The following SCRT2 variants were observed in gnomAD, a reference collection of about 807,000 sequenced individuals.
SCRT2 encodes transcriptional repressor scratch 2.
In SCRT2, 2 loss-of-function variants were observed where a neutral mutation model predicts 3.7. That is an observed-to-expected ratio of 0.54 (90% CI 0.22 to 1.70). The LOEUF is 1.70. SCRT2 is among the 40% of genes most tolerant of loss of function. The pLI is 0.19. For synonymous variants in SCRT2, 256 were observed against 220.6 expected (o/e 1.16, Z -1.42); for missense variants, 456 against 468.5 (o/e 0.97, Z 0.25).
rs774290369 is a variant in SCRT2, at chr20:664,361, C to A, written c.234G>T (p.Pro78=). ...GGCTTTCGGGGTCGCTGTACTCCTC[C>A]GGCGCCGCCGGCGGGTACGCGGGCT... ...PAEPAYPPAA[P]EEYSDPESPQ... The change falls in exon 2 of 2, where the codon CCG becomes CCT. Residue 78 remains proline (P), a synonymous_variant. Coordinates refer to ENST00000246104, the MANE Select transcript of SCRT2 (RefSeq NM_033129.4). The surrounding 1 kb of genome is among the most constrained non-coding windows in gnomAD (Gnocchi z 7.9). 3 of 1,452,286 alleles carry A rather than the reference C, an allele frequency of 2.1e-6. No individual in the cohort carries two copies. Among genetic ancestry groups the A allele is most frequent in the Non-Finnish European group, 2.8e-6 (3 of 1,089,916 alleles). The allele number at this position is 1,452,286 out of a possible 1,614,324, so 90.0% of individuals were successfully genotyped here.
At chr20:674,395 TCTCTCACA>T (rs1397568890) in intron 1 of SCRT2, among the ~76,000 whole-genome samples, 6 of 98,186 alleles carry the variant, frequency 6.1e-5, no homozygotes, top group African/African-American at 2.2e-4. Context: ...TCTCTCTCTC[TCTCTCACA>T]CACACACACA....
rs1277606268 is a variant in SCRT2 at position 675,485 on chromosome 20, C to A, written c.117G>T (p.Gly39=). Residue 39 remains glycine (G), a synonymous_variant, in exon 1 of 2, where the codon GGG becomes GGT. Transcript: ENST00000246104. The surrounding 1 kb of genome is among the most constrained non-coding windows in gnomAD (Gnocchi z 6.9). ...CCCACTCACCGTTGTCCCCGGGAGG[C>A]CCCCGGGCGCCAGGCAGCACGTAGG... ...ETAYVLPGAR[G]PPGDNGYAPH... is the part of the protein sequence containing the mutation. 1 of 1,358,068 alleles carries A rather than the reference C, an allele frequency of 7.4e-7. No homozygotes were observed. The highest frequency in any genetic ancestry group is 9.5e-7 in the Non-Finnish European group (1 of 1,050,764). 84.1% of individuals were successfully genotyped at this position (1,358,068 alleles called of 1,614,324 possible). A position where few individuals can be genotyped will look rare whatever the true frequency, so the allele number is the denominator to read the frequency against.
At chr20:671,653 A>C (rs1355839863) in intron 1 of SCRT2, among the ~76,000 whole-genome samples, 1 of 152,152 alleles carries the variant, frequency 6.6e-6, no homozygotes, top group Non-Finnish European at 1.5e-5. Context: ...AGTGAGAGGA[A>C]GTGGGCGCTG....
rs1984063264 is a variant in SCRT2 at position 664,123 on chromosome 20, C to T, written c.472G>A (p.Ala158Thr). ...QAGGGHRHAC[A>T]ECGKTYATSS... The stretch of plus-strand genomic sequence containing the variant: ...GTGGCGTAGGTCTTGCCGCACTCGG[C>T]GCACGCGTGCCGGTGCCCGCCGCCC... The change falls in exon 2 of 2, where the codon GCC (alanine) becomes ACC (threonine). Residue 158 changes from alanine to threonine, a missense_variant. Physicochemically the swap from Ala to Thr is moderately conservative, Grantham distance 58. Transcript: ENST00000246104. This position sits in a 1 kb window ranked among gnomAD's most constrained non-coding sequence, Gnocchi z 7.9. The T allele has an allele frequency of 1.3e-6, 2 of 1,526,354 alleles. No homozygotes were observed. Among genetic ancestry groups the T allele is most frequent in the South Asian group, 1.2e-5 (1 of 83,840 alleles). 94.6% of individuals were successfully genotyped at this position (1,526,354 alleles called of 1,614,324 possible).
Position 664,264 on chromosome 20 carries a change from A to C in SCRT2, c.331T>G (p.Phe111Val), listed in dbSNP as rs1382992398. The C allele has an allele frequency of 1.4e-6, 2 of 1,417,858 alleles. No individual in the cohort carries two copies. Among genetic ancestry groups the C allele is most frequent in the Non-Finnish European group, 9.3e-7 (1 of 1,073,392 alleles). The allele number at this position is 1,417,858 out of a possible 1,614,324, so 87.8% of individuals were successfully genotyped here. A position where few individuals can be genotyped will look rare whatever the true frequency, so the allele number is the denominator to read the frequency against. The stretch of plus-strand genomic sequence containing the variant: ...CGCGAGCGCCCGTCCGAGATGAAGA[A>C]GGCGTCCATGGAGTAGCTGTCGGTC... ...AVTDSYSMDA[F>V]FISDGRSRRR... The change falls in exon 2 of 2, where the codon TTC (phenylalanine) becomes GTC (valine). Residue 111 changes from phenylalanine to valine, a missense_variant. Around this residue, in one of 3 missense-constraint regions of SCRT2, gnomAD observed 306 missense variants for 305.3 expected, o/e 1.00. Transcript: ENST00000246104. The surrounding 1 kb of genome is among the most constrained non-coding windows in gnomAD (Gnocchi z 7.9).
intron 1 of SCRT2, among the ~76,000 whole-genome samples, chr20:674,887 C>A (rs547667681): frequency 9.8e-5 from 15 of 152,326 alleles, no homozygotes; most frequent in African/African-American, 3.6e-4. Context: ...GTCCCCAGGA[C>A]AGGCCCAGCC....
In SCRT2 at chr20:666,221, G is replaced by A. The variant is rs1459028056; in HGVS notation, c.134-1760C>T. 6.6e-6 allele frequency among the ~76,000 whole-genome samples: 1 copy of A among 152,038 alleles called. No homozygotes were observed. Among genetic ancestry groups the A allele is most frequent in the Non-Finnish European group, 1.5e-5 (1 of 67,994 alleles). ...TGGCAATTTTTTAATCTGGGGAGAG[G>A]AGATGCCCAGCCTCTCCGCACCCTA... On this transcript the variant is annotated intron_variant, in intron 1 of 1. Transcript: ENST00000246104. This position sits in a 1 kb window ranked among gnomAD's most constrained non-coding sequence, Gnocchi z 4.4.
chr20:674,399 T>TCACACACACA (rs57092015), intron 1 of SCRT2, among the ~76,000 whole-genome samples: 7 of 106,788 alleles, frequency 6.6e-5, no homozygotes, highest in South Asian at 3.5e-4. Flanking sequence ...TCTCTCTCTC[T>TCACACACACA]CACACACACA....
chr20:663,254 T>G lies in SCRT2; in HGVS notation c.*417A>C. Reference sequence around the variant, plus strand: ...CAAGGGTATAGGTTTGCGGCTTTCATTGGGGGCTCCAGTAGAGGAATGGTC... The same window carrying G: ...CAAGGGTATAGGTTTGCGGCTTTCAGTGGGGGCTCCAGTAGAGGAATGGTC... On this transcript the variant is annotated 3_prime_UTR_variant, in exon 2 of 2. Coordinates refer to ENST00000246104, the MANE Select transcript of SCRT2 (RefSeq NM_033129.4). This position sits in a 1 kb window ranked among gnomAD's most constrained non-coding sequence, Gnocchi z 6.9. 2.9e-5 allele frequency: 5 copies of G among 175,288 alleles called. No homozygotes were observed. The highest frequency in any genetic ancestry group is 3.6e-5 in the Non-Finnish European group (3 of 83,964). The allele number at this position is 175,288 out of a possible 1,614,324, so 10.9% of individuals were successfully genotyped here.
At chr20:668,217 C>T (rs1984218258) in intron 1 of SCRT2, among the ~76,000 whole-genome samples, 1 of 152,134 alleles carries the variant, frequency 6.6e-6, no homozygotes, top group Non-Finnish European at 1.5e-5. Context: ...TTCTAATCTG[C>T]CAGAGAGTAG....
At position 663,701 on chromosome 20, in the gene SCRT2, G is replaced by A. The variant is rs1430954193; in HGVS notation, c.894C>T (p.Pro298=). The part of the protein sequence containing the change: ...EAACAKAAEP[P]PPTPAGPAS ...TGGCCGGGCCGGCGGGGGTCGGCGG[G>A]GGTGGCTCGGCCGCCTTGGCGCAGG... Residue 298 remains proline (P), a synonymous_variant, in exon 2 of 2, where the codon CCC becomes CCT. Transcript: ENST00000246104. This position sits in a 1 kb window ranked among gnomAD's most constrained non-coding sequence, Gnocchi z 6.9. The A allele has an allele frequency of 2.0e-6, 3 of 1,518,810 alleles. No homozygotes were observed. Among genetic ancestry groups the A allele is most frequent in the Non-Finnish European group, 2.6e-6 (3 of 1,135,710 alleles). The allele number at this position is 1,518,810 out of a possible 1,614,324, so 94.1% of individuals were successfully genotyped here. A position where few individuals can be genotyped will look rare whatever the true frequency, so the allele number is the denominator to read the frequency against.
At chr20:673,566 AAGAC>A (rs1295249243) in intron 1 of SCRT2, among the ~76,000 whole-genome samples, 1 of 152,172 alleles carries the variant, frequency 6.6e-6, no homozygotes, top group African/African-American at 2.4e-5. Flanking sequence ...GAAGGGGACA[AAGAC>A]AGAGGTGGTT....
chr20:667,917 C>A lies in SCRT2; in HGVS notation c.134-3456G>T, dbSNP rs1422751552. Among the ~76,000 whole-genome samples the A allele has an allele frequency of 6.6e-6, 1 of 152,076 alleles. No individual in the cohort carries two copies. The highest frequency in any genetic ancestry group is 1.5e-5 in the Non-Finnish European group (1 of 68,024). ...AGATGGACTGGAATGGTCTAAAGAC[C>A]CTTTCTGCATCATGGCTGAATCAGT... On this transcript the variant is annotated intron_variant, in intron 1 of 1. Coordinates refer to ENST00000246104, the MANE Select transcript of SCRT2 (RefSeq NM_033129.4). This position sits in a 1 kb window ranked among gnomAD's most constrained non-coding sequence, Gnocchi z 4.4.
Position 664,324 on chromosome 20 carries a change from G to A in SCRT2, c.271C>T (p.Leu91=). 6.6e-7 allele frequency: 1 copy of A among 1,506,168 alleles called. No homozygotes were observed. Among genetic ancestry groups the A allele is most frequent in the Non-Finnish European group, 8.9e-7 (1 of 1,118,278 alleles). The allele number at this position is 1,506,168 out of a possible 1,614,324, so 93.3% of individuals were successfully genotyped here. ...TCCCCTCGGAAGTAGCGCGCCGACA[G>A]GCTCGACTGCGGGCTTTCGGGGTCG... ...YSDPESPQSS[L]SARYFRGEAA... is the part of the protein sequence containing the mutation. Residue 91 remains leucine (L), a synonymous_variant, in exon 2 of 2, where the codon CTG becomes TTG. Transcript: ENST00000246104. This position sits in a 1 kb window ranked among gnomAD's most constrained non-coding sequence, Gnocchi z 7.9.
At position 662,369 on chromosome 20, in the gene SCRT2, C is replaced by T. The variant is rs1176357758; in HGVS notation, c.*1302G>A. 2 of 152,426 alleles carry T rather than the reference C, an allele frequency of 1.3e-5. No homozygotes were observed. The highest frequency in any genetic ancestry group is 1.3e-4 in the Admixed American group (2 of 15,280). 9.4% of individuals were successfully genotyped at this position (152,426 alleles called of 1,614,324 possible). The stretch of plus-strand genomic sequence containing the variant: ...AGGTTCAGGAAGGTGGGGACCTGCC[C>T]CACGCCTGGACCTCCTGATGCTCCC... On this transcript the variant is annotated 3_prime_UTR_variant, in exon 2 of 2. Coordinates refer to ENST00000246104, the MANE Select transcript of SCRT2 (RefSeq NM_033129.4).
chr20:667,640 T>G lies in SCRT2; in HGVS notation c.134-3179A>C, dbSNP rs1223652438. On this transcript the variant is annotated intron_variant, in intron 1 of 1. Transcript: ENST00000246104. The surrounding 1 kb of genome is among the most constrained non-coding windows in gnomAD (Gnocchi z 4.4). ...TCAGCGCTGTTGACTTTCCTCCTGT[T>G]GCAAGGGGCTCTTTATGAAGAAATA... is the stretch of plus-strand genomic sequence containing the variant. Among the ~76,000 whole-genome samples the G allele has an allele frequency of 6.6e-6, 1 of 152,180 alleles. No individual in the cohort carries two copies. The highest frequency in any genetic ancestry group is 1.5e-5 in the Non-Finnish European group (1 of 68,026).
In SCRT2 at chr20:662,508, G is replaced by T. The variant is rs1983989942; in HGVS notation, c.*1163C>A. The T allele has an allele frequency of 6.6e-6, 1 of 152,408 alleles. No individual in the cohort carries two copies. The highest frequency in any genetic ancestry group is 2.4e-5 in the African/African-American group (1 of 41,522). The allele number at this position is 152,408 out of a possible 1,614,324, so 9.4% of individuals were successfully genotyped here. Reference sequence around the variant, plus strand: ...CTCCCGAGACGCGGGGGTGTGTGTGGTGGGGGCAGCCCTCTGTGGCCTGTG... The same window carrying T: ...CTCCCGAGACGCGGGGGTGTGTGTGTTGGGGGCAGCCCTCTGTGGCCTGTG... On this transcript the variant is annotated 3_prime_UTR_variant, in exon 2 of 2. Transcript: ENST00000246104.
At chr20:669,196 TGTAA>T (rs1308146669) in intron 1 of SCRT2, among the ~76,000 whole-genome samples, 1 of 152,166 alleles carries the variant, frequency 6.6e-6, no homozygotes, top group African/African-American at 2.4e-5. Context: ...TTCAGCCTCT[TGTAA>T]GTATTTGTAA....
intron 1 of SCRT2, among the ~76,000 whole-genome samples, chr20:672,416 T>TGC (rs1281708158): frequency 5.8e-5 from 7 of 121,262 alleles, no homozygotes; most frequent in African/African-American, 2.2e-4. Flanking sequence ...TGTGTGTGTG[T>TGC]GTGTGTGCGC....
Sources: allele counts gnomAD v4.1 joint callset (sites outside exome capture counted in the v4.1 genomes callset), GRCh38; gene constraint gnomAD v4.1.1; regional missense constraint gnomAD v4.1.1; non-coding constraint Gnocchi (gnomAD v3.1); transcripts MANE v1.5; gene names NCBI Gene and HGNC (gene_info 2026-07-23, HGNC 2026-07-21).